PDS5B: variants seen among roughly 807,000 people sequenced by gnomAD.
PDS5B encodes the protein PDS5 cohesin associated factor B, also known as sister chromatid cohesion protein PDS5 homolog B.
Under a neutral mutation model 184.1 loss-of-function variants are expected in PDS5B, and 51 were observed. The observed-to-expected ratio is 0.28, with a 90% confidence interval of 0.22 to 0.35. The LOEUF (loss-of-function observed/expected upper bound fraction) is 0.35, where lower values mean the gene tolerates loss of function less well. Among genes scored for constraint, PDS5B ranks in the 10% least tolerant of loss-of-function variants. PDS5B has a pLI of 1.00. For missense variants in PDS5B, 1,180 were observed against 1,723.3 expected (o/e 0.68, Z 5.58); for synonymous variants, 566 against 569.2 (o/e 0.99, Z 0.08).
chr13:32,760,503 T>C, intron 29 of PDS5B, 72 bp from the exon 30 acceptor site: 1 of 1,408,454 alleles, frequency 7.1e-7, no homozygotes, highest in Non-Finnish European at 9.8e-7. Context: ...AGAGATGTTA[T>C]TTATGGTTCT....
intron 31 of PDS5B, 60 bp from the exon 32 acceptor site, chr13:32,770,061 C>G: frequency 6.8e-7 from 1 of 1,473,776 alleles, no homozygotes; most frequent in South Asian, 1.4e-5. Flanking sequence ...TGTTTCATTC[C>G]TCAAAATATG....
intron 13 of PDS5B, chr13:32,690,938 A>G (rs936973628): frequency 6.6e-6 from 1 of 152,102 alleles, no homozygotes; most frequent in Non-Finnish European, 1.5e-5. Context: ...CTGACCAACT[A>G]TTATACTTAC....
At chr13:32,650,402 A>G (rs1950339786) in intron 2 of PDS5B, 1 of 152,192 alleles carries the variant, frequency 6.6e-6, no homozygotes, top group Non-Finnish European at 1.5e-5. Context: ...ATTATGTAGG[A>G]TGATATGTAC....
rs1951055478 is a variant in PDS5B at position 32,676,049 on chromosome 13, T to C, written c.962+90T>C. ...CATTATCCACATTTAAACTGTGTTC[T>C]CTGGAATCATAAAAATGAAGGATTT... On this transcript the variant is annotated intron_variant, in intron 9 of 34. Transcript: ENST00000315596. 4.5e-6 allele frequency: 3 copies of C among 660,348 alleles called. No individual in the cohort carries two copies. The South Asian group carries it at 6.9e-5, about 15-fold the overall frequency. The allele number at this position is 660,348 out of a possible 1,614,324, so 40.9% of individuals were successfully genotyped here.
chr13:32,603,422 T>C (rs182049651), intron 1 of PDS5B, among the ~76,000 whole-genome samples: 6 of 152,328 alleles, frequency 3.9e-5, no homozygotes, highest in Admixed American at 3.9e-4. Flanking sequence ...GTGGTATTAT[T>C]TCTGAAGGTT....
At chr13:32,766,427 C>G (rs1954590196) in intron 31 of PDS5B, among the ~76,000 whole-genome samples, 1 of 152,096 alleles carries the variant, frequency 6.6e-6, no homozygotes, top group African/African-American at 2.4e-5. Flanking sequence ...GTAATGGAGG[C>G]CTTTTGCTAT....
chr13:32,713,253 G>A (rs1952265141), intron 19 of PDS5B, among the ~76,000 whole-genome samples: 1 of 152,164 alleles, frequency 6.6e-6, no homozygotes, highest in South Asian at 2.1e-4. Context: ...TTAAAGAAGT[G>A]TTCAGTCATC....
At chr13:32,726,368 G>A (rs1042396738) in intron 19 of PDS5B, among the ~76,000 whole-genome samples, 3 of 152,124 alleles carry the variant, frequency 2.0e-5, no homozygotes, top group Non-Finnish European at 4.4e-5. Context: ...TGGACATTGG[G>A]TTGTTTTCAG....
At chr13:32,666,432 A>G (rs952830204) in intron 6 of PDS5B, among the ~76,000 whole-genome samples, 2 of 152,262 alleles carry the variant, frequency 1.3e-5, no homozygotes, top group South Asian at 2.1e-4. Flanking sequence ...AATAATTTAT[A>G]TTTCAAAATA....
intron 19 of PDS5B, among the ~76,000 whole-genome samples, chr13:32,710,779 G>C (rs932516794): frequency 6.6e-6 from 1 of 152,084 alleles, no homozygotes; most frequent in Admixed American, 6.5e-5. Flanking sequence ...ATCACTTCTG[G>C]CTTACCCATT....
chr13:32,685,443 G>C (rs921452773), intron 11 of PDS5B, among the ~76,000 whole-genome samples: 2 of 152,100 alleles, frequency 1.3e-5, no homozygotes, highest in Non-Finnish European at 2.9e-5. Context: ...GGATCATAAT[G>C]TATATTTTTG....
At chr13:32,665,916 A>C (rs1026632582) in intron 6 of PDS5B, among the ~76,000 whole-genome samples, 1 of 152,162 alleles carries the variant, frequency 6.6e-6, no homozygotes, top group Non-Finnish European at 1.5e-5. Context: ...ACAGGAAGAC[A>C]AATATGTTTT....
intron 25 of PDS5B, among the ~76,000 whole-genome samples, chr13:32,754,187 G>A (rs781204176): frequency 1.3e-5 from 2 of 151,986 alleles, no homozygotes; most frequent in Non-Finnish European, 2.9e-5. Context: ...TGTTGTAATT[G>A]TTCCTGTGCC....
At chr13:32,740,936 G>A in intron 21 of PDS5B, 144 bp from the exon 22 acceptor site, 2 of 589,082 alleles carry the variant, frequency 3.4e-6, no homozygotes, top group South Asian at 2.2e-5. Flanking sequence ...AAGTAAATAG[G>A]GTTAGATGAA....
intron 7 of PDS5B, among the ~76,000 whole-genome samples, chr13:32,669,728 T>G (rs1170511875): frequency 6.6e-6 from 1 of 152,192 alleles, no homozygotes; most frequent in South Asian, 2.1e-4. Flanking sequence ...GCCAGAGTGT[T>G]CTGAGTACAC....
At chr13:32,742,827 TAG>T in intron 23 of PDS5B, 100 bp downstream of exon 23, 1 of 1,077,604 alleles carries the variant, frequency 9.3e-7, no homozygotes, top group South Asian at 1.4e-5. Context: ...TTTTTTAAAT[TAG>T]AATTGCTTTG....
rs780886058 is a variant in PDS5B, at chr13:32,688,512, C to A, written c.1412C>A (p.Thr471Lys). The stretch of plus-strand genomic sequence containing the variant: ...ATGGTTCCTCACAATTTAGAAACTA[C>A]AGAACGGATGAAATGCTTATATTAC... ...QYMVPHNLETTERMKCLYYLY... is the reference protein window; with the variant it reads ...QYMVPHNLETKERMKCLYYLY... Residue 471 changes from threonine to lysine, a missense_variant, in exon 13 of 35, where the codon ACA becomes AAA. Transcript: ENST00000315596. The A allele has an allele frequency of 1.2e-6, 2 of 1,610,410 alleles. No individual in the cohort carries two copies. The highest frequency in any genetic ancestry group is 1.7e-6 in the Non-Finnish European group (2 of 1,176,936).
intron 1 of PDS5B, among the ~76,000 whole-genome samples, chr13:32,621,527 G>T (rs1044006881): frequency 2.0e-5 from 3 of 152,214 alleles, no homozygotes; most frequent in Non-Finnish European, 2.9e-5. Flanking sequence ...AATCGTTTGT[G>T]TAAGATGGAG....
In PDS5B at chr13:32,760,700, T is replaced by C. The variant is rs2141015296; in HGVS notation, c.3498T>C (p.Ser1166=). The change falls in exon 30 of 35, where the codon TCT becomes TCC. Residue 1166 remains serine (S), a synonymous_variant. Transcript: ENST00000315596. ...CAAGCAGCAGCTCAAATCCAAGCTC[T>C]CCTGGAAGAATAAAGGGGAGGTAAG... is the stretch of plus-strand genomic sequence containing the variant. ...SNASSSSNPS[S]PGRIKGRLDS... The C allele has an allele frequency of 6.2e-7, 1 of 1,613,712 alleles. No individual in the cohort carries two copies. The highest frequency in any genetic ancestry group is 8.5e-7 in the Non-Finnish European group (1 of 1,179,868).
Sources: allele counts gnomAD v4.1 joint callset (sites outside exome capture counted in the v4.1 genomes callset), GRCh38; gene constraint gnomAD v4.1.1; transcripts MANE v1.5; gene names NCBI Gene and HGNC (gene_info 2026-07-23, HGNC 2026-07-21).